The following THRB variants were observed in gnomAD, a reference collection of about 807,000 sequenced individuals.
THRB encodes the protein nuclear receptor subfamily 1 group A member 2.
THRB carries 12 observed loss-of-function variants against 47.8 expected under a neutral mutation model. The ratio of observed to expected loss-of-function variants is 0.25; its 90% CI spans 0.16 to 0.41. The LOEUF is 0.41. Ranked by LOEUF, THRB falls within the 10% of genes least tolerant of loss-of-function variation. The pLI is 1.00. For synonymous variants in THRB, 218 were observed against 212.2 expected (o/e 1.03, Z -0.24); for missense variants, 348 against 589.2 (o/e 0.59, Z 4.24).
At chr3:24,240,980 T>C (rs1431993608) in intron 3 of THRB, among the ~76,000 whole-genome samples, 1 of 152,122 alleles carries the variant, frequency 6.6e-6, no homozygotes, top group Non-Finnish European at 1.5e-5. Context: ...ATATTTCCAG[T>C]GAACGGCAGC....
At chr3:24,488,447 A>C (rs377022776) in intron 1 of THRB, among the ~76,000 whole-genome samples, 6 of 152,354 alleles carry the variant, frequency 3.9e-5, no homozygotes, top group African/African-American at 1.4e-4. Flanking sequence ...AAATAGGATT[A>C]GGAAAAATAA....
intron 4 of THRB, among the ~76,000 whole-genome samples, chr3:24,221,409 A>G (rs1410215464): frequency 6.6e-6 from 1 of 152,174 alleles, no homozygotes; most frequent in East Asian, 1.9e-4. Flanking sequence ...GTTAGGAAAA[A>G]AGTTAGGTAG....
intron 8 of THRB, among the ~76,000 whole-genome samples, chr3:24,134,989 C>T (rs995390318): frequency 2.0e-5 from 3 of 152,174 alleles, no homozygotes; most frequent in South Asian, 2.1e-4. Context: ...CTTCACTGTG[C>T]GTCAGTATCA....
At position 24,227,346 on chromosome 3, in the gene THRB, A is replaced by T. The variant is rs879496695; in HGVS notation, c.22+1592T>A. Among the ~76,000 whole-genome samples the T allele has an allele frequency of 5.9e-5, 9 of 152,328 alleles. 1 individual carries two copies. Among genetic ancestry groups the T allele is most frequent in the Admixed American group, 5.2e-4 (8 of 15,304 alleles). ...TGAGATTGCCATTCATCCCAACAGA[A>T]ACATTGAGGCTGTAGCTAAGGTTGA... On this transcript the variant is annotated intron_variant, in intron 4 of 10. Transcript: ENST00000646209.
intron 3 of THRB, among the ~76,000 whole-genome samples, chr3:24,283,735 G>C (rs1359630733): frequency 2.6e-5 from 4 of 151,490 alleles, no homozygotes; most frequent in Admixed American, 6.6e-5. Context: ...CTTCAGCAAA[G>C]TCTCAGGATA....
At chr3:24,143,782 T>TC in intron 7 of THRB, 76 bp from the exon 8 acceptor site, 4 of 1,485,348 alleles carry the variant, frequency 2.7e-6, no homozygotes, top group Non-Finnish European at 1.9e-6. Context: ...TCCTGGAGCC[T>TC]CAGGAGTGGG....
intron 1 of THRB, among the ~76,000 whole-genome samples, chr3:24,366,661 A>G (rs947339321): frequency 7.5e-6 from 1 of 133,870 alleles, no homozygotes; most frequent in Admixed American, 8.5e-5. Flanking sequence ...TCTCTCTGTC[A>G]CCAGGCTGGA....
intron 1 of THRB, among the ~76,000 whole-genome samples, chr3:24,372,505 G>C (rs1400366359): frequency 1.3e-5 from 2 of 152,028 alleles, no homozygotes; most frequent in Admixed American, 1.3e-4. Flanking sequence ...CATTTCTTCT[G>C]CATCCATTGA....
intron 3 of THRB, among the ~76,000 whole-genome samples, chr3:24,274,859 T>C (rs1026523824): frequency 1.3e-5 from 2 of 151,932 alleles, no homozygotes; most frequent in African/African-American, 2.4e-5. Context: ...TTTGCCTTTC[T>C]ATTTATTTTC....
chr3:24,205,816 C>A (rs978820817), intron 4 of THRB, among the ~76,000 whole-genome samples: 1 of 152,004 alleles, frequency 6.6e-6, no homozygotes, highest in Non-Finnish European at 1.5e-5. Flanking sequence ...ATCTACCAAG[C>A]AAATGGAAAA....
intron 5 of THRB, among the ~76,000 whole-genome samples, chr3:24,158,959 G>A (rs1239346071): frequency 6.6e-6 from 1 of 152,104 alleles, no homozygotes; most frequent in Middle Eastern, 3.2e-3. Flanking sequence ...TAGAAAGCAG[G>A]AAGGCAAAGT....
chr3:24,148,951 T>C (rs1318690929), intron 6 of THRB, among the ~76,000 whole-genome samples: 1 of 152,196 alleles, frequency 6.6e-6, no homozygotes, highest in Non-Finnish European at 1.5e-5. Context: ...CTTGAGTCCA[T>C]TAATTTCAGT....
intron 3 of THRB, among the ~76,000 whole-genome samples, chr3:24,244,704 CACAA>C (rs1478865226): frequency 6.6e-6 from 1 of 152,218 alleles, no homozygotes; most frequent in Non-Finnish European, 1.5e-5. Context: ...AATTGCTCCA[CACAA>C]ACAGAGCTCA....
At chr3:24,433,351 T>C (rs2070638184) in intron 1 of THRB, among the ~76,000 whole-genome samples, 1 of 152,088 alleles carries the variant, frequency 6.6e-6, no homozygotes, top group African/African-American at 2.4e-5. Flanking sequence ...ATAAAAAGGA[T>C]GCAGGAGGGG....
At chr3:24,493,718 T>C (rs1012541281) in intron 1 of THRB, among the ~76,000 whole-genome samples, 1 of 152,230 alleles carries the variant, frequency 6.6e-6, no homozygotes, top group African/African-American at 2.4e-5. Context: ...GATCCTTCTT[T>C]TAAAATTTTC....
Position 24,315,930 on chromosome 3 carries a change from T to C in THRB, c.-188-18559A>G, listed in dbSNP as rs187713457. Among the ~76,000 whole-genome samples, 11 of 152,316 alleles carry C rather than the reference T, an allele frequency of 7.2e-5. No individual in the cohort carries two copies. In the East Asian group the frequency reaches 1.3e-3, roughly 19 times the overall value. ...AGCCATTATGATTCAGGCTTGACAA[T>C]TGTGAGGATGAATTTCAAATATCTC... On this transcript the variant is annotated intron_variant, in intron 2 of 10. Transcript: ENST00000646209.
intron 3 of THRB, among the ~76,000 whole-genome samples, chr3:24,270,189 T>G (rs1048203531): frequency 3.9e-5 from 6 of 152,352 alleles, no homozygotes; most frequent in East Asian, 3.9e-4. Flanking sequence ...TAATTGGTCT[T>G]GCTTCACATC....
At position 24,134,948 on chromosome 3, in the gene THRB, G is replaced by A. The variant is rs146171283; in HGVS notation, c.739-1486C>T. 4.5e-4 allele frequency among the ~76,000 whole-genome samples: 67 copies of A among 149,456 alleles called. No homozygotes were observed. In the East Asian group the frequency reaches 0.013, roughly 28 times the overall value. ...CAGAGCAGTGAGGACACTGCCAGTG[G>A]TGAGACTAGCCTAACATAGTGGCCC... On this transcript the variant is annotated intron_variant, in intron 8 of 10. Transcript: ENST00000646209.
At chr3:24,219,474 C>A (rs1222270640) in intron 4 of THRB, among the ~76,000 whole-genome samples, 1 of 152,074 alleles carries the variant, frequency 6.6e-6, no homozygotes, top group Non-Finnish European at 1.5e-5. Flanking sequence ...TTCTGATGAG[C>A]CATTTGGGTA....
Sources: gnomAD v4.1 joint callset for allele counts (sites outside exome capture counted in the v4.1 genomes callset) on GRCh38, gnomAD v4.1.1 for gene constraint, MANE v1.5 for transcripts, NCBI Gene and HGNC (gene_info 2026-07-23, HGNC 2026-07-21) for gene names.